SLIT3: variants seen among roughly 807,000 people sequenced by gnomAD.
The protein encoded by SLIT3 is slit guidance ligand 3.
Under a neutral mutation model 184.0 loss-of-function variants are expected in SLIT3, and 68 were observed. That is an observed-to-expected ratio of 0.37 (90% CI 0.30 to 0.45). SLIT3 has a LOEUF of 0.45. SLIT3 is among the 20% of genes least tolerant of loss of function. SLIT3 has a pLI of 1.00. For synonymous variants in SLIT3, 831 were observed against 828.6 expected (o/e 1.00, Z -0.05); for missense variants, 1,707 against 2,026.0 (o/e 0.84, Z 3.02).
At chr5:168,874,024 CT>C (rs1759636371) in intron 5 of SLIT3, among the ~76,000 whole-genome samples, 1 of 152,154 alleles carries the variant, frequency 6.6e-6, no homozygotes, top group Non-Finnish European at 1.5e-5. Context: ...CCTAAGACCC[CT>C]GAGTCGTACT....
chr5:169,212,071 G>C (rs1270793369), intron 3 of SLIT3, among the ~76,000 whole-genome samples: 10 of 152,186 alleles, frequency 6.6e-5, no homozygotes, highest in Non-Finnish European at 1.5e-4. Context: ...GAATAGTGCT[G>C]CAATAAACAT....
chr5:169,153,785 T>A (rs1762204451), intron 4 of SLIT3, among the ~76,000 whole-genome samples: 1 of 152,232 alleles, frequency 6.6e-6, no homozygotes, highest in Non-Finnish European at 1.5e-5. Flanking sequence ...TTAGCTCAAC[T>A]TTTGCCTTCA....
intron 4 of SLIT3, among the ~76,000 whole-genome samples, chr5:169,060,998 T>C (rs17070782): frequency 0.013 from 1,909 of 152,300 alleles, 35 homozygotes; most frequent in African/African-American, 0.044. Flanking sequence ...GCTGGGTGTT[T>C]TTGAGCAACT....
intron 4 of SLIT3, among the ~76,000 whole-genome samples, chr5:169,187,558 TC>T (rs1236529950): frequency 0.059 from 1,810 of 30,638 alleles, 56 homozygotes; most frequent in African/African-American, 0.23. Context: ...TTTCTTTCTT[TC>T]TTTTTTTTTT....
At position 168,685,871 on chromosome 5, in the gene SLIT3, T is replaced by C; in HGVS notation, c.3371A>G (p.Asp1124Gly). The C allele has an allele frequency of 6.2e-7, 1 of 1,613,750 alleles. No homozygotes were observed. The highest frequency in any genetic ancestry group is 8.5e-7 in the Non-Finnish European group (1 of 1,179,910). ...PMVLLQTSPC[D>G]QYECQNGAQC... ...GGCCCCGTTCTGGCACTCGTACTGGTCGCATGGGCTGGTCTGCAGTAGGAC... is the reference window on the plus strand; with the variant it reads ...GGCCCCGTTCTGGCACTCGTACTGGCCGCATGGGCTGGTCTGCAGTAGGAC... Residue 1124 changes from aspartate to glycine, a missense_variant, in exon 31 of 36, where the codon GAC (aspartate) becomes GGC (glycine). Physicochemically the swap from Asp to Gly is moderately conservative, Grantham distance 94. Transcript: ENST00000519560.
At chr5:168,925,250 C>T (rs750588640) in intron 4 of SLIT3, among the ~76,000 whole-genome samples, 4 of 152,168 alleles carry the variant, frequency 2.6e-5, no homozygotes, top group Non-Finnish European at 4.4e-5. Context: ...CAGTGAGCAC[C>T]TCTGGGAGTA....
At chr5:168,954,318 C>G (rs1301865726) in intron 4 of SLIT3, among the ~76,000 whole-genome samples, 1 of 151,988 alleles carries the variant, frequency 6.6e-6, no homozygotes, top group Non-Finnish European at 1.5e-5. Flanking sequence ...ATATGAGGCT[C>G]TCCAAAATGG....
chr5:168,782,190 A>G (rs1230560624), intron 12 of SLIT3, among the ~76,000 whole-genome samples: 1 of 152,156 alleles, frequency 6.6e-6, no homozygotes, highest in African/African-American at 2.4e-5. Flanking sequence ...AGAAAATTAA[A>G]CAACAGGTGC....
chr5:169,136,807 C>T (rs567003123), intron 4 of SLIT3, among the ~76,000 whole-genome samples: 3 of 152,232 alleles, frequency 2.0e-5, no homozygotes, highest in Non-Finnish European at 2.9e-5. Flanking sequence ...ACGCAAGGAG[C>T]AAGACTGGGG....
At chr5:169,235,885 C>T (rs1561757459) in intron 3 of SLIT3, among the ~76,000 whole-genome samples, 2 of 152,196 alleles carry the variant, frequency 1.3e-5, no homozygotes, top group African/African-American at 4.8e-5. Context: ...TCAATGTTGA[C>T]ACTGACCTTG....
intron 5 of SLIT3, among the ~76,000 whole-genome samples, chr5:168,861,314 G>A (rs1344148084): frequency 6.6e-6 from 1 of 150,950 alleles, no homozygotes; most frequent in Non-Finnish European, 1.5e-5. Flanking sequence ...TGAATATGAC[G>A]TATTTCTTAA....
chr5:169,123,955 G>T (rs547719450), intron 4 of SLIT3, among the ~76,000 whole-genome samples: 1 of 152,246 alleles, frequency 6.6e-6, no homozygotes, highest in Non-Finnish European at 1.5e-5. Context: ...GGAAAGCTTC[G>T]CCAGAGAGCC....
At chr5:168,916,002 C>T (rs1562004635) in intron 4 of SLIT3, among the ~76,000 whole-genome samples, 1 of 152,192 alleles carries the variant, frequency 6.6e-6, no homozygotes, top group Non-Finnish European at 1.5e-5. Flanking sequence ...TTCTAGGGTA[C>T]ATGTGCACAA....
chr5:169,221,501 T>C (rs1003719483), intron 3 of SLIT3, among the ~76,000 whole-genome samples: 4 of 152,168 alleles, frequency 2.6e-5, no homozygotes, highest in African/African-American at 9.7e-5. Flanking sequence ...ACCAGAGAGA[T>C]GCCAAGACAA....
At chr5:168,868,853 T>G (rs1561977753) in intron 5 of SLIT3, among the ~76,000 whole-genome samples, 1 of 151,790 alleles carries the variant, frequency 6.6e-6, no homozygotes, top group African/African-American at 2.4e-5. Context: ...AATGAAGGCT[T>G]AGGGAGGAGA....
intron 32 of SLIT3, among the ~76,000 whole-genome samples, chr5:168,676,809 G>C (rs1489474599): frequency 6.6e-6 from 1 of 152,212 alleles, no homozygotes; most frequent in Non-Finnish European, 1.5e-5. Flanking sequence ...GATTCAGGGA[G>C]TCAGGGCAGC....
chr5:168,681,619 G>A (rs1285815419), intron 32 of SLIT3, among the ~76,000 whole-genome samples: 1 of 152,132 alleles, frequency 6.6e-6, no homozygotes, highest in African/African-American at 2.4e-5. Flanking sequence ...CAAACTCAGG[G>A]CTCCCTGACA....
intron 5 of SLIT3, among the ~76,000 whole-genome samples, chr5:168,874,103 C>T (rs552982286): frequency 6.6e-5 from 10 of 152,186 alleles, no homozygotes; most frequent in African/African-American, 2.2e-4. Flanking sequence ...ATTTTATATG[C>T]CTGTTTTAAA....
intron 12 of SLIT3, 124 bp downstream of exon 12, chr5:168,785,783 A>G (rs1756131261): frequency 1.4e-6 from 1 of 716,352 alleles, no homozygotes; most frequent in East Asian, 2.5e-5. Flanking sequence ...TGGACAGCTC[A>G]AACATTTTTT....
Sources: allele counts gnomAD v4.1 joint callset (sites outside exome capture counted in the v4.1 genomes callset), GRCh38; gene constraint gnomAD v4.1.1; transcripts MANE v1.5; gene names NCBI Gene and HGNC (gene_info 2026-07-23, HGNC 2026-07-21).